The following CSMD2 variants were observed in gnomAD, a reference collection of about 807,000 sequenced individuals.
CSMD2 encodes CUB and Sushi multiple domains 2.
A neutral mutation model predicts 398.5 loss-of-function variants in CSMD2; 130 were observed. The observed-to-expected ratio is 0.33, with a 90% CI of 0.28 to 0.38. The LOEUF (loss-of-function observed/expected upper bound fraction) is 0.38, where lower values mean the gene tolerates loss of function less well. Among genes scored for constraint, CSMD2 ranks in the 10% least tolerant of loss-of-function variants. CSMD2 has a pLI of 1.00. For synonymous variants in CSMD2, 1,828 were observed against 1,908.5 expected (o/e 0.96, Z 1.10); for missense variants, 3,829 against 4,764.9 (o/e 0.80, Z 5.78).
chr1:33,686,361 G>A (rs1645062509), intron 25 of CSMD2, among the ~76,000 whole-genome samples: 1 of 152,206 alleles, frequency 6.6e-6, no homozygotes, highest in African/African-American at 2.4e-5. Flanking sequence ...GACAGGGAGG[G>A]AGCAGCTCAT....
intron 13 of CSMD2, 127 bp from the exon 14 acceptor site, chr1:33,743,733 G>A (rs1349568339): frequency 1.5e-6 from 1 of 689,358 alleles, no homozygotes; most frequent in African/African-American, 1.8e-5. Flanking sequence ...ACAAGGGTTG[G>A]GCTGGACTGG....
intron 14 of CSMD2, among the ~76,000 whole-genome samples, chr1:33,742,246 A>G (rs948812235): frequency 1.3e-5 from 2 of 152,122 alleles, no homozygotes; most frequent in African/African-American, 4.8e-5. Flanking sequence ...GAATCGGGGG[A>G]CCCAAATGGC....
At chr1:33,921,604 G>C (rs1374947919) in intron 4 of CSMD2, among the ~76,000 whole-genome samples, 1 of 152,200 alleles carries the variant, frequency 6.6e-6, no homozygotes, top group African/African-American at 2.4e-5. Flanking sequence ...CTTCAAAAAA[G>C]CACAGGAGTG....
chr1:33,575,379 A>C (rs6698419), intron 49 of CSMD2, among the ~76,000 whole-genome samples: 30,401 of 152,046 alleles, frequency 0.2, 3,574 homozygotes, highest in African/African-American at 0.32. Flanking sequence ...GGGATTAACA[A>C]TCCACTTGAA....
chr1:33,915,828 G>T (rs527906526), intron 5 of CSMD2, among the ~76,000 whole-genome samples: 2 of 152,202 alleles, frequency 1.3e-5, no homozygotes, highest in East Asian at 3.8e-4. Flanking sequence ...ACTCATCACA[G>T]ATATCGCATG....
intron 32 of CSMD2, among the ~76,000 whole-genome samples, chr1:33,630,846 G>A (rs567263528): frequency 3.9e-5 from 6 of 152,108 alleles, no homozygotes; most frequent in Non-Finnish European, 8.8e-5. Flanking sequence ...ACCATGATGA[G>A]CTATTTAAAA....
At chr1:33,686,014 C>T (rs1645052171) in intron 25 of CSMD2, among the ~76,000 whole-genome samples, 1 of 152,198 alleles carries the variant, frequency 6.6e-6, no homozygotes, top group Admixed American at 6.5e-5. Flanking sequence ...TTAGACGGAA[C>T]ATGTTCCAAT....
rs185341046 is a variant in CSMD2, at chr1:34,010,638, T to G, written c.517+21956A>C. Among the ~76,000 whole-genome samples the G allele has an allele frequency of 2.0e-5, 3 of 151,920 alleles. No individual in the cohort carries two copies. The East Asian group carries it at 5.8e-4, about 30-fold the overall frequency. ...TTTTTCTTTTTTTTCTTTTTTTTTG[T>G]GACGGAGTCTCGCTCTGTAACCCAG... On this transcript the variant is annotated intron_variant, in intron 3 of 70. Transcript: ENST00000373381.
At position 33,537,660 on chromosome 1, in the gene CSMD2, A is replaced by G. The variant is rs776676394; in HGVS notation, c.9632-51T>C. ...GGTCTAAGTTGCTTTCCAGAACCCA[A>G]TCTTCCAGTCCCACACCCCCATCTT... is the stretch of plus-strand genomic sequence containing the variant. On this transcript the variant is annotated intron_variant, in intron 60 of 70. Transcript: ENST00000373381. This position sits in a 1 kb window ranked among gnomAD's most constrained non-coding sequence, Gnocchi z 4.6. 16 of 1,536,704 alleles carry G rather than the reference A, an allele frequency of 1.0e-5. No individual in the cohort carries two copies. The highest frequency in any genetic ancestry group is 1.2e-5 in the South Asian group (1 of 80,506).
intron 5 of CSMD2, among the ~76,000 whole-genome samples, chr1:33,872,760 G>A (rs1406173479): frequency 1.3e-5 from 2 of 152,154 alleles, no homozygotes; most frequent in African/African-American, 4.8e-5. Flanking sequence ...AAAATTCTCA[G>A]CAGGAAACAG....
In CSMD2 at chr1:33,556,998, G is replaced by A. The variant is rs181333897; in HGVS notation, c.8743+736C>T. On this transcript the variant is annotated intron_variant, in intron 55 of 70. Coordinates refer to ENST00000373381, the MANE Select transcript of CSMD2 (RefSeq NM_001281956.2). ...TCTTGGGCAGTTCTTTATAGCAGTG[G>A]GAGAACAGACTAATACATCAGGATT... Among the ~76,000 whole-genome samples the A allele has an allele frequency of 1.9e-3, 284 of 152,162 alleles. 1 individual carries two copies. The highest frequency in any genetic ancestry group is 6.3e-3 in the African/African-American group (262 of 41,504).
intron 14 of CSMD2, among the ~76,000 whole-genome samples, chr1:33,740,130 G>A (rs902772452): frequency 4.6e-5 from 7 of 152,082 alleles, no homozygotes; most frequent in Admixed American, 6.5e-5. Context: ...TGTTCGGTGC[G>A]GCACGTGACA....
intron 3 of CSMD2, among the ~76,000 whole-genome samples, chr1:33,996,639 A>G (rs1646735650): frequency 6.6e-6 from 1 of 152,194 alleles, no homozygotes. Context: ...GGACACCACC[A>G]TCTCTGGACT....
chr1:33,990,122 A>T (rs942994592), intron 3 of CSMD2, among the ~76,000 whole-genome samples: 1 of 151,952 alleles, frequency 6.6e-6, no homozygotes, highest in African/African-American at 2.4e-5. Context: ...AATACAAAAA[A>T]TTAGCCTGGC....
At chr1:34,040,553 G>A (rs1651736686) in intron 2 of CSMD2, among the ~76,000 whole-genome samples, 1 of 152,206 alleles carries the variant, frequency 6.6e-6, no homozygotes, top group African/African-American at 2.4e-5. Flanking sequence ...CCTTGCATGT[G>A]TATTTCTAAA....
chr1:33,789,515 G>A (rs1653972188), intron 11 of CSMD2, among the ~76,000 whole-genome samples: 1 of 152,250 alleles, frequency 6.6e-6, no homozygotes, highest in East Asian at 1.9e-4. Flanking sequence ...GGTCCCCTGT[G>A]CAGGCTGGGA....
intron 15 of CSMD2, among the ~76,000 whole-genome samples, chr1:33,728,005 C>T (rs1005614065): frequency 6.6e-6 from 1 of 152,166 alleles, no homozygotes; most frequent in Non-Finnish European, 1.5e-5. Context: ...AACAAAATCC[C>T]CTGTGAGGTT....
chr1:33,646,868 C>G (rs1431735384), intron 28 of CSMD2, 33 bp from the exon 29 acceptor site: 1 of 1,579,046 alleles, frequency 6.3e-7, no homozygotes, highest in South Asian at 1.1e-5. Flanking sequence ...CCCCACCCCA[C>G]TAAGGTCAAA....
intron 44 of CSMD2, chr1:33,592,524 A>G (rs1205713625): frequency 9.8e-6 from 7 of 717,170 alleles, no homozygotes; most frequent in South Asian, 7.4e-5. Context: ...TATGAGTGGC[A>G]CAGGCACCAC....
Sources: gnomAD v4.1 joint callset for allele counts (sites outside exome capture counted in the v4.1 genomes callset) on GRCh38, gnomAD v4.1.1 for gene constraint, Gnocchi (gnomAD v3.1) non-coding constraint, MANE v1.5 for transcripts, NCBI Gene and HGNC (gene_info 2026-07-23, HGNC 2026-07-21) for gene names.